ZNF131: variants seen among roughly 807,000 people sequenced by gnomAD.
ZNF131 encodes the protein zinc finger protein 131.
ZNF131 carries 7 observed loss-of-function variants against 60.0 expected under a neutral mutation model. The observed-to-expected ratio is 0.12, with a 90% CI of 0.07 to 0.22. The LOEUF is 0.22. ZNF131 is among the 10% of genes least tolerant of loss of function. The pLI is 1.00. For missense variants in ZNF131, 493 were observed against 740.9 expected, an observed-to-expected ratio of 0.67 and a Z score of 3.88; for synonymous variants, 257 against 253.2, an observed-to-expected ratio of 1.01 and a Z score of -0.14.
At chr5:43,144,266 T>G (rs1177823735) in intron 4 of ZNF131, among the ~76,000 whole-genome samples, 1 of 68,922 alleles carries the variant, frequency 1.5e-5, no homozygotes, top group Non-Finnish European at 2.7e-5. Flanking sequence ...TTTTTTTTTT[T>G]TGGAGACAGA....
At chr5:43,150,597 C>G (rs1239648783) in intron 4 of ZNF131, among the ~76,000 whole-genome samples, 1 of 152,064 alleles carries the variant, frequency 6.6e-6, no homozygotes, top group Non-Finnish European at 1.5e-5. Flanking sequence ...CGAGACCAGC[C>G]TGGCTAACGT....
chr5:43,129,388 T>C (rs888889956), intron 3 of ZNF131, among the ~76,000 whole-genome samples: 2 of 151,770 alleles, frequency 1.3e-5, no homozygotes, highest in Non-Finnish European at 2.9e-5. Context: ...ACCAGTACTT[T>C]ATTTAGTCTA....
intron 3 of ZNF131, chr5:43,124,951 G>A (rs1013583198): frequency 6.6e-5 from 10 of 151,658 alleles, no homozygotes. Flanking sequence ...GATTGCTGGG[G>A]CCCAGGAGGT....
chr5:43,130,163 C>G (rs1434278309), intron 3 of ZNF131, among the ~76,000 whole-genome samples: 1 of 148,022 alleles, frequency 6.8e-6, no homozygotes, highest in Non-Finnish European at 1.5e-5. Context: ...ACTGGGGAGG[C>G]TGAGGCAGGA....
chr5:43,145,484 C>G (rs891178987), intron 4 of ZNF131, among the ~76,000 whole-genome samples: 1 of 152,138 alleles, frequency 6.6e-6, no homozygotes, highest in Non-Finnish European at 1.5e-5. Context: ...GAAACATCGT[C>G]TTTACTAAAA....
intron 3 of ZNF131, chr5:43,124,879 T>C (rs1300414530): frequency 5.3e-5 from 8 of 151,956 alleles, no homozygotes. Flanking sequence ...TTTAAAAAAT[T>C]ATTAGCTGAG....
In ZNF131 at chr5:43,161,699, C is replaced by T; in HGVS notation, c.822C>T (p.Tyr274=). 1 of 1,614,176 alleles carries T rather than the reference C, an allele frequency of 6.2e-7. No homozygotes were observed. Among genetic ancestry groups the T allele is most frequent in the Non-Finnish European group, 8.5e-7 (1 of 1,180,018 alleles). ...GTAACCGTTCATTTAAATTGTTTTA[C>T]CATTTTAAGGAGCACATGAAATCAC... The part of the protein sequence containing the change: ...EKCNRSFKLF[Y]HFKEHMKSHS... Residue 274 remains tyrosine, a synonymous_variant, in exon 5 of 7, where the codon TAC becomes TAT. Coordinates refer to ENST00000682664, the MANE Select transcript of ZNF131 (RefSeq NM_001330707.2).
chr5:43,131,945 A>G (rs1031159901), intron 3 of ZNF131, among the ~76,000 whole-genome samples: 3 of 152,230 alleles, frequency 2.0e-5, no homozygotes, highest in African/African-American at 7.2e-5. Flanking sequence ...TATTCTATTT[A>G]AAATCTTTGT....
At chr5:43,147,394 CTTTTT>C (rs769222605) in intron 4 of ZNF131, among the ~76,000 whole-genome samples, 1 of 151,008 alleles carries the variant, frequency 6.6e-6, no homozygotes, top group Non-Finnish European at 1.5e-5. Context: ...TTTTTTAAAT[CTTTTT>C]TTTATTTTAT....
intron 4 of ZNF131, 32 bp from the exon 5 acceptor site, chr5:43,161,217 G>T (rs756225701): frequency 6.5e-7 from 1 of 1,536,246 alleles, no homozygotes; most frequent in South Asian, 1.3e-5. Flanking sequence ...TCTTCTTATA[G>T]ATTTTTTAAA....
intron 4 of ZNF131, among the ~76,000 whole-genome samples, chr5:43,148,549 C>T (rs1016562518): frequency 1.3e-5 from 2 of 152,166 alleles, no homozygotes; most frequent in Admixed American, 6.6e-5. Context: ...CATATAGTCT[C>T]TGTTGCAATT....
At chr5:43,167,337 A>C (rs1750491604) in intron 5 of ZNF131, among the ~76,000 whole-genome samples, 1 of 152,208 alleles carries the variant, frequency 6.6e-6, no homozygotes, top group Non-Finnish European at 1.5e-5. Flanking sequence ...GGGTTGTCAC[A>C]AATCTTCAGT....
chr5:43,148,433 T>C (rs914628041), intron 4 of ZNF131, among the ~76,000 whole-genome samples: 3 of 152,256 alleles, frequency 2.0e-5, no homozygotes, highest in Non-Finnish European at 2.9e-5. Context: ...CAACTACTTA[T>C]GCCCTGTCTT....
chr5:43,139,454 T>C (rs1746531735), intron 4 of ZNF131, 145 bp downstream of exon 4: 1 of 828,458 alleles, frequency 1.2e-6, no homozygotes. Context: ...TAAAAAATTT[T>C]CTGGATACTG....
In ZNF131 at chr5:43,161,795, C is replaced by T. The variant is rs1394299449; in HGVS notation, c.918C>T (p.His306=). 1 of 1,614,114 alleles carries T rather than the reference C, an allele frequency of 6.2e-7. No individual in the cohort carries two copies. Among genetic ancestry groups the T allele is most frequent in the African/African-American group, 1.3e-5 (1 of 75,028 alleles). The stretch of plus-strand genomic sequence containing the variant: ...TTCGAGAGAGCGCATGGAAACAGCA[C>T]CTAAATTGTTACCACCTTGAAGAAG... The part of the protein sequence containing the change: ...RYLRESAWKQ[H]LNCYHLEEGG... Residue 306 remains histidine, a synonymous_variant, in exon 5 of 7, where the codon CAC becomes CAT. Coordinates refer to ENST00000682664, the MANE Select transcript of ZNF131 (RefSeq NM_001330707.2).
intron 5 of ZNF131, among the ~76,000 whole-genome samples, chr5:43,169,165 T>C (rs1750686396): frequency 6.6e-6 from 1 of 152,256 alleles, no homozygotes; most frequent in African/African-American, 2.4e-5. Flanking sequence ...CATGATGAAC[T>C]TGACCAGTCA....
rs377507061 is a variant in ZNF131, at chr5:43,160,188, C to A, written c.372-1061C>A. On this transcript the variant is annotated intron_variant, in intron 4 of 6. Transcript: ENST00000682664. ...GAGACTCCATCTCAAAAAAACAAAACAAAAAAAAAAACAAAAAAAGAAGAA... is the reference window on the plus strand; with the variant it reads ...GAGACTCCATCTCAAAAAAACAAAAAAAAAAAAAAAACAAAAAAAGAAGAA... Among the ~76,000 whole-genome samples, 1,150 of 124,986 alleles carry A rather than the reference C, an allele frequency of 9.2e-3. 19 individuals are homozygous for A. Among genetic ancestry groups the A allele is most frequent in the African/African-American group, 0.032 (1,090 of 34,588 alleles). 82.0% of individuals were successfully genotyped at this position (124,986 alleles called of 152,430 possible).
At chr5:43,123,985 A>C (rs962245568) in intron 3 of ZNF131, 1 of 152,328 alleles carries the variant, frequency 6.6e-6, no homozygotes, top group East Asian at 1.9e-4. Flanking sequence ...GATGTTGGGC[A>C]GGATGGCTTG....
At chr5:43,122,245 CCTTT>C in intron 2 of ZNF131, 68 bp downstream of exon 2, 2 of 1,388,352 alleles carry the variant, frequency 1.4e-6, no homozygotes, top group South Asian at 1.4e-5. Flanking sequence ...CGGACACCCG[CCTTT>C]TTTTTTTTTT....
Sources: allele counts gnomAD v4.1 joint callset (sites outside exome capture counted in the v4.1 genomes callset), GRCh38; gene constraint gnomAD v4.1.1; transcripts MANE v1.5; gene names NCBI Gene and HGNC (gene_info 2026-07-23, HGNC 2026-07-21).